Variants in RAB3C observed in about 807,000 individuals in gnomAD.
RAB3C encodes the protein ras-related protein Rab-3C.
Under a neutral mutation model 26.4 loss-of-function variants are expected in RAB3C, and 17 were observed. That is an observed-to-expected ratio of 0.64 (90% CI 0.44 to 0.97). The LOEUF (loss-of-function observed/expected upper bound fraction) is 0.97, where lower values mean the gene tolerates loss of function less well. Among genes scored for constraint, RAB3C ranks in the 50% least tolerant of loss-of-function variants. RAB3C has a pLI of 0.00. For missense variants in RAB3C, 242 were observed against 281.9 expected (o/e 0.86, Z 1.01); for synonymous variants, 91 against 95.9 (o/e 0.95, Z 0.30).
At chr5:58,596,204 C>G (rs919409231) in intron 1 of RAB3C, among the ~76,000 whole-genome samples, 4 of 151,844 alleles carry the variant, frequency 2.6e-5, no homozygotes, top group Admixed American at 6.6e-5. Context: ...CTACCCATAC[C>G]CTATAATCAA....
intron 1 of RAB3C, among the ~76,000 whole-genome samples, chr5:58,613,348 A>G (rs1028614159): frequency 6.6e-6 from 1 of 152,170 alleles, no homozygotes; most frequent in Non-Finnish European, 1.5e-5. Context: ...TCTCACCCGT[A>G]GATTTATATA....
chr5:58,695,153 A>G (rs1041737256), intron 2 of RAB3C, among the ~76,000 whole-genome samples: 3 of 152,054 alleles, frequency 2.0e-5, no homozygotes, highest in African/African-American at 7.2e-5. Flanking sequence ...ACATATGGCT[A>G]GCCAGTTTTC....
intron 2 of RAB3C, among the ~76,000 whole-genome samples, chr5:58,678,030 C>T (rs1183780184): frequency 7.7e-6 from 1 of 129,966 alleles, no homozygotes; most frequent in Non-Finnish European, 1.8e-5. Context: ...GTTCAAGGTA[C>T]ATATGTTGGG....
chr5:58,657,845 T>C (rs187791786), intron 2 of RAB3C, among the ~76,000 whole-genome samples: 1 of 152,370 alleles, frequency 6.6e-6, no homozygotes, highest in Admixed American at 6.5e-5. Flanking sequence ...TGCTATGCTT[T>C]TTCTTTAACT....
chr5:58,735,445 C>T (rs550730820), intron 3 of RAB3C, among the ~76,000 whole-genome samples: 3 of 152,098 alleles, frequency 2.0e-5, no homozygotes, highest in African/African-American at 7.2e-5. Flanking sequence ...AATTATAATT[C>T]CCACCATTTT....
At chr5:58,728,788 C>T (rs11750820) in intron 3 of RAB3C, among the ~76,000 whole-genome samples, 16,016 of 151,968 alleles carry the variant, frequency 0.11, 1,174 homozygotes, top group Non-Finnish European at 0.16. Flanking sequence ...TAATGAAATC[C>T]AAACTCACTA....
At chr5:58,702,875 C>T (rs1419332036) in intron 2 of RAB3C, among the ~76,000 whole-genome samples, 1 of 152,154 alleles carries the variant, frequency 6.6e-6, no homozygotes, top group Non-Finnish European at 1.5e-5. Flanking sequence ...ACACACTTTA[C>T]TGAACAGAAA....
intron 1 of RAB3C, among the ~76,000 whole-genome samples, chr5:58,597,087 A>C (rs1746307240): frequency 1.2e-5 from 1 of 81,878 alleles, no homozygotes; most frequent in Non-Finnish European, 2.1e-5. Context: ...ATAATATATA[A>C]TACATAATAT....
intron 2 of RAB3C, among the ~76,000 whole-genome samples, chr5:58,705,866 G>T (rs999047406): frequency 1.3e-5 from 2 of 152,072 alleles, no homozygotes; most frequent in African/African-American, 2.4e-5. Flanking sequence ...CTTATGCCTG[G>T]AGTATCCATC....
At chr5:58,795,699 C>T (rs776665841) in intron 3 of RAB3C, among the ~76,000 whole-genome samples, 30 of 152,126 alleles carry the variant, frequency 2.0e-4, no homozygotes, top group Admixed American at 4.6e-4. Context: ...ATAGGCCTTC[C>T]ATTCCCTTCT....
intron 3 of RAB3C, among the ~76,000 whole-genome samples, chr5:58,739,176 A>G (rs1049779654): frequency 4.6e-5 from 7 of 152,224 alleles, no homozygotes; most frequent in Admixed American, 4.6e-4. Flanking sequence ...CTGTCCATCA[A>G]GTCTGCTTCC....
intron 3 of RAB3C, among the ~76,000 whole-genome samples, chr5:58,742,482 C>T (rs377247313): frequency 6.6e-6 from 1 of 152,110 alleles, no homozygotes; most frequent in Non-Finnish European, 1.5e-5. Context: ...CTAATCATGA[C>T]GTTTTTGATA....
chr5:58,662,502 T>C (rs1430002311), intron 2 of RAB3C, among the ~76,000 whole-genome samples: 3 of 150,088 alleles, frequency 2.0e-5, no homozygotes, highest in Non-Finnish European at 4.4e-5. Context: ...CCAAGCCAAG[T>C]ATATTAAAAT....
chr5:58,827,705 A>C (rs1743518653), intron 4 of RAB3C, among the ~76,000 whole-genome samples: 1 of 152,214 alleles, frequency 6.6e-6, no homozygotes, highest in African/African-American at 2.4e-5. Context: ...ATAAAAACCC[A>C]GCTGTTGTCA....
rs34352086 is a variant in RAB3C at position 58,655,789 on chromosome 5, C to CTTTTTT, written c.252+37938_252+37943dup. 3.5e-4 allele frequency among the ~76,000 whole-genome samples: 32 copies of CTTTTTT among 91,644 alleles called. 1 individual carries two copies. The highest frequency in any genetic ancestry group is 4.1e-4 in the Non-Finnish European group (20 of 48,922). The allele number at this position is 91,644 out of a possible 152,430, so 60.1% of individuals were successfully genotyped here. On this transcript the variant is annotated intron_variant, in intron 2 of 4. Transcript: ENST00000282878. The stretch of plus-strand genomic sequence containing the variant: ...ATGGCTGACAAAGTAAAACCTAACT[C>CTTTTTT]TTTTTTTTTTTTTTTTTTTTTTTTG...
chr5:58,736,406 C>T (rs1201864598), intron 3 of RAB3C, among the ~76,000 whole-genome samples: 1 of 152,186 alleles, frequency 6.6e-6, no homozygotes, highest in Non-Finnish European at 1.5e-5. Flanking sequence ...TTGACCTCAC[C>T]AGTATTTTAT....
chr5:58,666,890 G>A (rs1412840593), intron 2 of RAB3C, among the ~76,000 whole-genome samples: 7 of 152,212 alleles, frequency 4.6e-5, no homozygotes, highest in African/African-American at 7.2e-5. Context: ...AGGTGATGAC[G>A]TGCGTGGGAC....
rs1433318650 is a variant in RAB3C at position 58,674,962 on chromosome 5, T to C, written c.253-51040T>C. 2.0e-5 allele frequency among the ~76,000 whole-genome samples: 3 copies of C among 152,156 alleles called. No individual in the cohort carries two copies. In the East Asian group the frequency reaches 5.8e-4, roughly 29 times the overall value. ...CTTTATGCACCTCCATTTGTTTCCC[T>C]GAAGCTCAGAGGATCCCTCTGAATG... On this transcript the variant is annotated intron_variant, in intron 2 of 4. Coordinates refer to ENST00000282878, the MANE Select transcript of RAB3C (RefSeq NM_138453.4).
At chr5:58,639,568 A>G (rs753123831) in intron 2 of RAB3C, among the ~76,000 whole-genome samples, 4 of 151,964 alleles carry the variant, frequency 2.6e-5, no homozygotes, top group Non-Finnish European at 5.9e-5. Context: ...CAATAATCTC[A>G]TCATGGGGAC....
Sources: gnomAD v4.1 joint callset for allele counts (sites outside exome capture counted in the v4.1 genomes callset) on GRCh38, gnomAD v4.1.1 for gene constraint, MANE v1.5 for transcripts, NCBI Gene and HGNC (gene_info 2026-07-23, HGNC 2026-07-21) for gene names.